Variants in THEMIS observed in about 807,000 individuals in gnomAD.
THEMIS encodes protein THEMIS.
In THEMIS, 37 loss-of-function variants were observed where a neutral mutation model predicts 52.6. The ratio of observed to expected loss-of-function variants is 0.70; its 90% CI spans 0.54 to 0.93. The LOEUF (loss-of-function observed/expected upper bound fraction) is 0.93. THEMIS is among the 40% of genes least tolerant of loss of function. The probability of loss-of-function intolerance (pLI) is 0.00; values close to 1 mark genes in which losing one functional copy is unlikely to be tolerated. For synonymous variants in THEMIS, 292 were observed against 272.7 expected (o/e 1.07, Z -0.70); for missense variants, 808 against 763.1 (o/e 1.06, Z -0.69).
rs35052969 is a variant in THEMIS, at chr6:127,867,923, A to AAC, written c.92-12737_92-12736dup. On this transcript the variant is annotated intron_variant, in intron 1 of 5. Coordinates refer to ENST00000368248, the MANE Select transcript of THEMIS (RefSeq NM_001010923.3). ...ATCTCCACTGAAGGAATTACTATTAAACACACACACACACACACACAATTT... is the reference window on the plus strand; with the variant it reads ...ATCTCCACTGAAGGAATTACTATTAAACACACACACACACACACACACAATTT... 4.4e-3 allele frequency among the ~76,000 whole-genome samples: 659 copies of AAC among 150,290 alleles called. 4 individuals carry two copies. Among genetic ancestry groups the AAC allele is most frequent in the African/African-American group, 0.011 (454 of 41,028 alleles).
At chr6:127,852,475 A>C in intron 2 of THEMIS, among the ~76,000 whole-genome samples, 1 of 151,132 alleles carries the variant, frequency 6.6e-6, no homozygotes, top group East Asian at 2.0e-4. Context: ...ATATTAGTCC[A>C]AAAAAAACAA....
intron 5 of THEMIS, among the ~76,000 whole-genome samples, chr6:127,718,927 C>A (rs1424518197): frequency 6.6e-6 from 1 of 151,734 alleles, no homozygotes; most frequent in Non-Finnish European, 1.5e-5. Flanking sequence ...AGTATTTTGA[C>A]TTTTATATGT....
intron 1 of THEMIS, among the ~76,000 whole-genome samples, chr6:127,856,463 C>T (rs1171259629): frequency 6.6e-6 from 1 of 151,930 alleles, no homozygotes; most frequent in Non-Finnish European, 1.5e-5. Context: ...CCTCACTCTT[C>T]TCCATAGGCA....
chr6:127,731,888 A>T (rs866917911), intron 4 of THEMIS, among the ~76,000 whole-genome samples: 84 of 6,964 alleles, frequency 0.012, no homozygotes, highest in Middle Eastern at 0.2. Context: ...TTTTTTTTTT[A>T]GTAGAGATGG....
chr6:127,739,107 A>G (rs939956889), intron 4 of THEMIS, among the ~76,000 whole-genome samples: 1 of 152,098 alleles, frequency 6.6e-6, no homozygotes, highest in African/African-American at 2.4e-5. Flanking sequence ...TCTCTCTTCT[A>G]AGAATATTGT....
chr6:127,754,352 T>C (rs903888833), intron 4 of THEMIS, among the ~76,000 whole-genome samples: 1 of 152,156 alleles, frequency 6.6e-6, no homozygotes, highest in Non-Finnish European at 1.5e-5. Context: ...ACATAATTCT[T>C]ATGGTCAAAT....
intron 4 of THEMIS, among the ~76,000 whole-genome samples, chr6:127,768,233 C>A (rs151252439): frequency 2.0e-5 from 3 of 152,214 alleles, no homozygotes; most frequent in African/African-American, 7.2e-5. Context: ...AGTGTACTTT[C>A]AGAGTAAAAT....
chr6:127,747,870 C>A (rs1241315674), intron 4 of THEMIS, among the ~76,000 whole-genome samples: 1 of 151,904 alleles, frequency 6.6e-6, no homozygotes. Context: ...TTAGACTTTT[C>A]TTTTTTTCTG....
At chr6:127,903,868 T>G (rs1781206559), upstream of THEMIS, among the ~76,000 whole-genome samples, 1 of 152,060 alleles carries the variant, frequency 6.6e-6, no homozygotes, top group Non-Finnish European at 1.5e-5. Flanking sequence ...TGACCACGTT[T>G]TCTACCAAAG....
At chr6:127,725,477 C>G (rs1460257284) in intron 4 of THEMIS, among the ~76,000 whole-genome samples, 1 of 151,468 alleles carries the variant, frequency 6.6e-6, no homozygotes, top group Admixed American at 6.6e-5. Context: ...TGAGTGTGTT[C>G]TCTTCTGTTT....
chr6:127,874,603 C>T (rs947025028), intron 1 of THEMIS, among the ~76,000 whole-genome samples: 1 of 152,030 alleles, frequency 6.6e-6, no homozygotes, highest in Non-Finnish European at 1.5e-5. Context: ...TAAAAATCTG[C>T]ATATAAGTGG....
the THEMIS span, among the ~76,000 whole-genome samples, chr6:127,700,941 C>G: frequency 6.6e-6 from 1 of 152,052 alleles, no homozygotes; most frequent in Non-Finnish European, 1.5e-5. Flanking sequence ...TCCCCAATCT[C>G]TCCTCAAACT....
intron 4 of THEMIS, among the ~76,000 whole-genome samples, chr6:127,763,050 C>A (rs1006541054): frequency 3.3e-5 from 5 of 151,864 alleles, no homozygotes; most frequent in African/African-American, 9.7e-5. Flanking sequence ...AAAGGGAATG[C>A]TTTTAAGTAT....
At chr6:127,769,016 A>G (rs1358690378) in intron 4 of THEMIS, among the ~76,000 whole-genome samples, 1 of 152,200 alleles carries the variant, frequency 6.6e-6, no homozygotes, top group African/African-American at 2.4e-5. Context: ...TCACCAAAAG[A>G]CAATGTTCAT....
chr6:127,852,770 T>C (rs1274032068), intron 2 of THEMIS, among the ~76,000 whole-genome samples: 3 of 151,590 alleles, frequency 2.0e-5, no homozygotes, highest in East Asian at 1.9e-4. Flanking sequence ...TATCCCTGTA[T>C]CTGGGATCCC....
chr6:127,742,323 A>G (rs1382835848), intron 4 of THEMIS, among the ~76,000 whole-genome samples: 12 of 150,336 alleles, frequency 8.0e-5, no homozygotes, highest in Admixed American at 3.3e-4. Context: ...TAAAAAAAAA[A>G]AAAAACAAAC....
At position 127,829,629 on chromosome 6, in the gene THEMIS, C is replaced by A. The variant is rs1335416871; in HGVS notation, c.556G>T (p.Glu186Ter). ...CEDERIYTLKEIVEWKIPKNR... is the reference protein window; with the variant it reads ...CEDERIYTLK ...TTAGGAATCTTCCATTCAACAATCT[C>A]CTTTAGAGTGTAAATACGTTCATCT... is the stretch of plus-strand genomic sequence containing the variant. The change falls in exon 3 of 6, where the codon GAG becomes TAG. Residue 186 changes from glutamate to a stop codon, truncating the protein, a stop_gained. Transcript: ENST00000368248. LOFTEE classifies it high-confidence loss of function. 6.2e-7 allele frequency: 1 copy of A among 1,614,050 alleles called. No homozygotes were observed. Among genetic ancestry groups the A allele is most frequent in the Non-Finnish European group, 8.5e-7 (1 of 1,179,992 alleles).
At chr6:127,875,259 A>G (rs1780279948) in intron 1 of THEMIS, among the ~76,000 whole-genome samples, 1 of 152,134 alleles carries the variant, frequency 6.6e-6, no homozygotes, top group Non-Finnish European at 1.5e-5. Flanking sequence ...TCTCAAAATA[A>G]AGAGTTTATT....
intron 4 of THEMIS, among the ~76,000 whole-genome samples, chr6:127,730,790 T>C (rs1004911380): frequency 4.6e-5 from 7 of 152,220 alleles, no homozygotes; most frequent in East Asian, 1.9e-4. Flanking sequence ...TAAAGTTATG[T>C]TTTTATCTTT....
Sources: allele counts gnomAD v4.1 joint callset (sites outside exome capture counted in the v4.1 genomes callset), GRCh38; gene constraint gnomAD v4.1.1; transcripts MANE v1.5; gene names NCBI Gene and HGNC (gene_info 2026-07-23, HGNC 2026-07-21).